Variants in KCNK12 observed in about 807,000 individuals in gnomAD.
KCNK12 encodes the protein potassium two pore domain channel subfamily K member 12.
Under a neutral mutation model 25.3 loss-of-function variants are expected in KCNK12, and 6 were observed. The observed-to-expected ratio is 0.24, with a 90% CI of 0.13 to 0.47. KCNK12 has a LOEUF of 0.47. Ranked by LOEUF, KCNK12 falls within the 20% of genes least tolerant of loss-of-function variation. The pLI is 0.99. For missense variants in KCNK12, 444 were observed against 661.7 expected, an observed-to-expected ratio of 0.67 and a Z score of 3.61; for synonymous variants, 331 against 311.1, an observed-to-expected ratio of 1.06 and a Z score of -0.67.
chr2:47,521,862 T>TG, intron 1 of KCNK12, 54 bp from the exon 2 acceptor site: 1 of 444,066 alleles, frequency 2.3e-6, no homozygotes, highest in South Asian at 6.5e-5. Flanking sequence ...TGGTCCTCAC[T>TG]GGGCGAGGGT....
chr2:47,532,390 C>A (rs1668952755), intron 1 of KCNK12, among the ~76,000 whole-genome samples: 1 of 152,030 alleles, frequency 6.6e-6, no homozygotes, highest in Non-Finnish European at 1.5e-5. Flanking sequence ...GAGACAGGAT[C>A]TTGCTCTGTC....
At position 47,562,181 on chromosome 2, in the gene KCNK12, T is replaced by C. The variant is rs1669686897; in HGVS notation, c.391+7760A>G. 2.5e-6 allele frequency: 1 copy of C among 398,608 alleles called. No individual in the cohort carries two copies. The highest frequency in any genetic ancestry group is 3.6e-5 in the East Asian group (1 of 28,076). The allele number at this position is 398,608 out of a possible 1,614,324, so 24.7% of individuals were successfully genotyped here. A position where few individuals can be genotyped will look rare whatever the true frequency, so the allele number is the denominator to read the frequency against. ...CCCAGACCTACTCAACAGAAACTACTTGGTAAGCAGATTCCCAGGTGGTTC... is the reference window on the plus strand; with the variant it reads ...CCCAGACCTACTCAACAGAAACTACCTGGTAAGCAGATTCCCAGGTGGTTC... On this transcript the variant is annotated intron_variant, in intron 1 of 1. Transcript: ENST00000327876. The surrounding 1 kb of genome is among the most constrained non-coding windows in gnomAD (Gnocchi z 4.8).
intron 1 of KCNK12, among the ~76,000 whole-genome samples, chr2:47,522,104 A>G (rs1425301233): frequency 6.6e-6 from 1 of 152,212 alleles, no homozygotes; most frequent in Non-Finnish European, 1.5e-5. Flanking sequence ...CCATCATGAC[A>G]CAAAAAATAG....
At position 47,521,156 on chromosome 2, in the gene KCNK12, G is replaced by A; in HGVS notation, c.1044C>T (p.Leu348=). 1.6e-6 allele frequency: 2 copies of A among 1,290,076 alleles called. No homozygotes were observed. The highest frequency in any genetic ancestry group is 6.3e-5 in the East Asian group (2 of 31,620). 79.9% of individuals were successfully genotyped at this position (1,290,076 alleles called of 1,614,324 possible). A position where few individuals can be genotyped will look rare whatever the true frequency, so the allele number is the denominator to read the frequency against. The change falls in exon 2 of 2, where the codon CTC becomes CTT. Residue 348 remains leucine (L), a synonymous_variant. Transcript: ENST00000327876. ...TGTCGCGGGCCGCGGGGTCGGCACC[G>A]AGCGCGGCCAGGCGGCGGCGCAGCC... ...GSRLRRRLAA[L]GADPAARDSD...
In KCNK12 at chr2:47,551,752, G is replaced by A. The variant is rs559089314; in HGVS notation, c.391+18189C>T. Among the ~76,000 whole-genome samples the A allele has an allele frequency of 1.2e-4, 18 of 152,360 alleles. No homozygotes were observed. Among genetic ancestry groups the A allele is most frequent in the African/African-American group, 4.3e-4 (18 of 41,588 alleles). ...AAAATATTTTGGTGCTAGTCCTGGG[G>A]AAGGCAGATTATTGGTTTAAGATTC... On this transcript the variant is annotated intron_variant, in intron 1 of 1. Transcript: ENST00000327876. The surrounding 1 kb of genome is among the most constrained non-coding windows in gnomAD (Gnocchi z 5.3).
intron 1 of KCNK12, among the ~76,000 whole-genome samples, chr2:47,532,685 G>C (rs1668960643): frequency 6.6e-6 from 1 of 152,244 alleles, no homozygotes. Flanking sequence ...CTGGGACTCA[G>C]GTTGACCCTA....
In KCNK12 at chr2:47,519,123, C is replaced by T. The variant is rs1176880228; in HGVS notation, c.*1784G>A. 1 of 152,252 alleles carries T rather than the reference C, an allele frequency of 6.6e-6. No homozygotes were observed. Among genetic ancestry groups the T allele is most frequent in the East Asian group, 1.9e-4 (1 of 5,194 alleles). The allele number at this position is 152,252 out of a possible 1,614,324, so 9.4% of individuals were successfully genotyped here. Reference sequence around the variant, plus strand: ...CTGGCCAGCGCTGCTTCACTGGCTTCACCCCAGATTAGGGCCTGTGTTTAA... The same window carrying T: ...CTGGCCAGCGCTGCTTCACTGGCTTTACCCCAGATTAGGGCCTGTGTTTAA... On this transcript the variant is annotated 3_prime_UTR_variant, in exon 2 of 2. Transcript: ENST00000327876.
rs537353481 is a variant in KCNK12, at chr2:47,551,995, C to G, written c.391+17946G>C. 6.6e-6 allele frequency among the ~76,000 whole-genome samples: 1 copy of G among 152,236 alleles called. No individual in the cohort carries two copies. Among genetic ancestry groups the G allele is most frequent in the Non-Finnish European group, 1.5e-5 (1 of 68,008 alleles). On this transcript the variant is annotated intron_variant, in intron 1 of 1. Coordinates refer to ENST00000327876, the MANE Select transcript of KCNK12 (RefSeq NM_022055.2). This position sits in a 1 kb window ranked among gnomAD's most constrained non-coding sequence, Gnocchi z 5.3. Reference sequence around the variant, plus strand: ...CATCACCTCCTTCCTTCTTGTTTGGCCCTGGGGACGACCGGTGGTGGGGAG... The same window carrying G: ...CATCACCTCCTTCCTTCTTGTTTGGGCCTGGGGACGACCGGTGGTGGGGAG...
rs1668625068 is a variant in KCNK12, at chr2:47,520,383, G to C, written c.*524C>G. ...ACTACACCATTCTCTGTGTGTAGTG[G>C]CTGTTCTATATATATACATCGGGAG... On this transcript the variant is annotated 3_prime_UTR_variant, in exon 2 of 2. Transcript: ENST00000327876. The surrounding 1 kb of genome is among the most constrained non-coding windows in gnomAD (Gnocchi z 5.0). 1 of 152,352 alleles carries C rather than the reference G, an allele frequency of 6.6e-6. No homozygotes were observed. The highest frequency in any genetic ancestry group is 2.4e-5 in the African/African-American group (1 of 41,450). The allele number at this position is 152,352 out of a possible 1,614,324, so 9.4% of individuals were successfully genotyped here. A position where few individuals can be genotyped will look rare whatever the true frequency, so the allele number is the denominator to read the frequency against.
rs72872810 is a variant in KCNK12 at position 47,543,003 on chromosome 2, G to A, written c.392-21195C>T. On this transcript the variant is annotated intron_variant, in intron 1 of 1. Transcript: ENST00000327876. ...GGCTACTCACAGGCACAATCATAACGCGCTACAGCCTCAAACCTCTGAGCT... is the reference window on the plus strand; with the variant it reads ...GGCTACTCACAGGCACAATCATAACACGCTACAGCCTCAAACCTCTGAGCT... Among the ~76,000 whole-genome samples, 256 of 152,208 alleles carry A rather than the reference G, an allele frequency of 1.7e-3. 1 individual carries two copies. Among genetic ancestry groups the A allele is most frequent in the African/African-American group, 5.9e-3 (243 of 41,518 alleles).
rs1668466445 is a variant in KCNK12 at position 47,514,044 on chromosome 2, C to T, written c.*6863G>A. 2.0e-5 allele frequency among the ~76,000 whole-genome samples: 3 copies of T among 152,190 alleles called. No individual in the cohort carries two copies. Among genetic ancestry groups the T allele is most frequent in the Admixed American group, 2.0e-4 (3 of 15,280 alleles). On this transcript the variant is annotated 3_prime_UTR_variant, in exon 2 of 2. Transcript: ENST00000327876. The surrounding 1 kb of genome is among the most constrained non-coding windows in gnomAD (Gnocchi z 5.0). Reference sequence around the variant, plus strand: ...CTTTGCTTTGTTTTACAAGGCCCTTCGCTATCTGGCCCCCTCATTACCTCC... The same window carrying T: ...CTTTGCTTTGTTTTACAAGGCCCTTTGCTATCTGGCCCCCTCATTACCTCC...
chr2:47,554,900 T>C (rs1669520664), intron 1 of KCNK12, among the ~76,000 whole-genome samples: 1 of 152,156 alleles, frequency 6.6e-6, no homozygotes, highest in Admixed American at 6.5e-5. Context: ...CGGATTGAGC[T>C]GACAAGAGTT....
At chr2:47,568,319 AC>A (rs1055355553) in intron 1 of KCNK12, among the ~76,000 whole-genome samples, 1 of 151,390 alleles carries the variant, frequency 6.6e-6, no homozygotes, top group African/African-American at 2.4e-5. Flanking sequence ...AAAAAAAAAA[AC>A]TCTAGTTGCT....
At position 47,512,704 on chromosome 2, in the gene KCNK12, A is replaced by G. The variant is rs1336814255; in HGVS notation, c.*8203T>C. The G allele has an allele frequency of 5.9e-6, 2 of 340,336 alleles. No individual in the cohort carries two copies. The highest frequency in any genetic ancestry group is 1.1e-5 in the Non-Finnish European group (2 of 186,968). The allele number at this position is 340,336 out of a possible 1,614,324, so 21.1% of individuals were successfully genotyped here. A position where few individuals can be genotyped will look rare whatever the true frequency, so the allele number is the denominator to read the frequency against. The stretch of plus-strand genomic sequence containing the variant: ...TGCTCTGCATTGCTGAGCAAACTAC[A>G]TTTCCCAGAACTCCTTGTTGGATTC... On this transcript the variant is annotated 3_prime_UTR_variant, in exon 2 of 2. Transcript: ENST00000327876.
chr2:47,567,378 A>G (rs1669805203), intron 1 of KCNK12, among the ~76,000 whole-genome samples: 1 of 152,118 alleles, frequency 6.6e-6, no homozygotes. Flanking sequence ...ACAAGCATCA[A>G]TAATAATAAT....
chr2:47,527,079 G>C (rs576441259), intron 1 of KCNK12, among the ~76,000 whole-genome samples: 78 of 152,334 alleles, frequency 5.1e-4, no homozygotes, highest in African/African-American at 1.9e-3. Context: ...AGCCGAGACT[G>C]AAACCCAGGT....
rs1378507183 is a variant in KCNK12, at chr2:47,511,540, G to A, written c.*9367C>T. Among the ~76,000 whole-genome samples, 1 of 152,190 alleles carries A rather than the reference G, an allele frequency of 6.6e-6. No individual in the cohort carries two copies. Among genetic ancestry groups the A allele is most frequent in the Non-Finnish European group, 1.5e-5 (1 of 68,034 alleles). ...CAGAGAGATGCCCACAGTGCATGAC[G>A]TTACCCGCACAGGTGTGACATCACA... On this transcript the variant is annotated 3_prime_UTR_variant, in exon 2 of 2. Transcript: ENST00000327876. The surrounding 1 kb of genome is among the most constrained non-coding windows in gnomAD (Gnocchi z 4.3).
rs909034790 is a variant in KCNK12 at position 47,513,057 on chromosome 2, T to C, written c.*7850A>G. ...GCCAGTGGCAAGGGAACACAAGTGA[T>C]AGGTACAGATAGAAGTGTCTGATAC... On this transcript the variant is annotated 3_prime_UTR_variant, in exon 2 of 2. Coordinates refer to ENST00000327876, the MANE Select transcript of KCNK12 (RefSeq NM_022055.2). 1.3e-5 allele frequency: 2 copies of C among 153,530 alleles called. No individual in the cohort carries two copies. The highest frequency in any genetic ancestry group is 4.8e-5 in the African/African-American group (2 of 41,454). 9.5% of individuals were successfully genotyped at this position (153,530 alleles called of 1,614,324 possible). A position where few individuals can be genotyped will look rare whatever the true frequency, so the allele number is the denominator to read the frequency against.
Position 47,570,895 on chromosome 2 carries a change from TTCAGAGCC to T in KCNK12, c.-572_-565del, listed in dbSNP as rs1669898228. The T allele has an allele frequency of 6.6e-6, 1 of 152,104 alleles. No individual in the cohort carries two copies. The highest frequency in any genetic ancestry group is 2.4e-5 in the African/African-American group (1 of 41,410). The allele number at this position is 152,104 out of a possible 1,614,324, so 9.4% of individuals were successfully genotyped here. A position where few individuals can be genotyped will look rare whatever the true frequency, so the allele number is the denominator to read the frequency against. ...CCGGGGCTGAGCTGGCGGCGTCGGC[TTCAGAGCC>T]TCGGAGCCGAGCCGAGTCCGGGGAA... On this transcript the variant is annotated 5_prime_UTR_variant, in exon 1 of 2. Coordinates refer to ENST00000327876, the MANE Select transcript of KCNK12 (RefSeq NM_022055.2).
Sources: allele counts gnomAD v4.1 joint callset (sites outside exome capture counted in the v4.1 genomes callset), GRCh38; gene constraint gnomAD v4.1.1; non-coding constraint Gnocchi (gnomAD v3.1); transcripts MANE v1.5; gene names NCBI Gene and HGNC (gene_info 2026-07-23, HGNC 2026-07-21).